CXADR: variants seen among roughly 807,000 people sequenced by gnomAD.
CXADR encodes coxsackievirus and adenovirus receptor.
CXADR carries 20 observed loss-of-function variants against 40.3 expected under a neutral mutation model. The ratio of observed to expected loss-of-function variants is 0.50; its 90% CI spans 0.35 to 0.72. The LOEUF is 0.72. Among genes scored for constraint, CXADR ranks in the 30% least tolerant of loss-of-function variants. The pLI, the probability that CXADR is intolerant of heterozygous loss-of-function variation, is 0.01. For missense variants in CXADR, 332 were observed against 449.1 expected, an observed-to-expected ratio of 0.74 and a Z score of 2.36; for synonymous variants, 150 against 161.3, an observed-to-expected ratio of 0.93 and a Z score of 0.53.
chr21:17,596,346 G>C (rs190531489), downstream of CXADR, among the ~76,000 whole-genome samples: 746 of 152,006 alleles, frequency 4.9e-3, 8 homozygotes, highest in African/African-American at 0.017. Context: ...TGACCCTCTA[G>C]AGGAAATATT....
At chr21:17,617,811 A>T in the CXADR span, among the ~76,000 whole-genome samples, 1 of 151,906 alleles carries the variant, frequency 6.6e-6, no homozygotes, top group African/African-American at 2.4e-5. Context: ...TGTGGCAATT[A>T]AAAAAAATAA....
At chr21:17,531,103 G>A (rs891737108) in intron 1 of CXADR, among the ~76,000 whole-genome samples, 4 of 152,064 alleles carry the variant, frequency 2.6e-5, no homozygotes, top group African/African-American at 9.7e-5. Flanking sequence ...TTCAAGACCA[G>A]ACTGGCCAGC....
At chr21:17,519,057 C>T in intron 1 of CXADR, 2 of 1,120,152 alleles carry the variant, frequency 1.8e-6, no homozygotes, top group Non-Finnish European at 2.7e-6. Context: ...AGCAAGATGG[C>T]TGCCCGATAT....
intron 7 of CXADR, among the ~76,000 whole-genome samples, chr21:17,592,628 A>T (rs1359881385): frequency 6.6e-6 from 1 of 151,262 alleles, no homozygotes; most frequent in Admixed American, 6.6e-5. Context: ...TCTGAAAGTA[A>T]TTTTTTTTTC....
intron 7 of CXADR, among the ~76,000 whole-genome samples, chr21:17,575,514 G>A (rs2737879): frequency 0.49 from 72,584 of 147,778 alleles, 20,638 homozygotes; most frequent in Non-Finnish European, 0.63. Context: ...TTTTTGAGGC[G>A]GAGTCTCGCT....
At chr21:17,594,177 T>C (rs780743671), downstream of CXADR, 8 of 1,613,316 alleles carry the variant, frequency 5.0e-6, no homozygotes, top group Non-Finnish European at 6.8e-6. Context: ...TCACTGGAAT[T>C]GGGCGATATG....
intron 7 of CXADR, among the ~76,000 whole-genome samples, chr21:17,583,472 GGTT>G (rs2061374770): frequency 6.6e-6 from 1 of 152,134 alleles, no homozygotes; most frequent in Non-Finnish European, 1.5e-5. Context: ...AACTTGGGGT[GGTT>G]GTTTTTCAGA....
chr21:17,624,983 C>A, the CXADR span, among the ~76,000 whole-genome samples: 2 of 152,124 alleles, frequency 1.3e-5, no homozygotes, highest in Non-Finnish European at 2.9e-5. Context: ...CTTTCTCTAA[C>A]CACTATCTGA....
At chr21:17,596,799 T>C (rs753943707), downstream of CXADR, among the ~76,000 whole-genome samples, 1 of 152,260 alleles carries the variant, frequency 6.6e-6, no homozygotes. Context: ...TCATTGATAC[T>C]GAATTGGATC....
intron 1 of CXADR, among the ~76,000 whole-genome samples, chr21:17,533,975 C>G (rs995716262): frequency 8.0e-5 from 11 of 137,498 alleles, no homozygotes; most frequent in African/African-American, 2.9e-4. Context: ...AGCATAATTT[C>G]TACTTCCCTG....
the CXADR span, among the ~76,000 whole-genome samples, chr21:17,628,276 G>T: frequency 1.3e-5 from 2 of 152,132 alleles, no homozygotes; most frequent in Non-Finnish European, 2.9e-5. Context: ...TTATTTTAAG[G>T]AATTGGCTCA....
At position 17,567,571 on chromosome 21, in the gene CXADR, G is replaced by C. The variant is rs2061226682; in HGVS notation, c.*1879G>C. 5.1e-6 allele frequency: 5 copies of C among 985,018 alleles called. No homozygotes were observed. The highest frequency in any genetic ancestry group is 6.0e-6 in the Non-Finnish European group (5 of 829,658). The allele number at this position is 985,018 out of a possible 1,614,324, so 61.0% of individuals were successfully genotyped here. ...CAAGCTTGCCTCTTTTCTGTTCTTT[G>C]TGGATATAACTTAAGCAATTGTGTT... On this transcript the variant is annotated 3_prime_UTR_variant, in exon 7 of 7. Coordinates refer to ENST00000284878, the MANE Select transcript of CXADR (RefSeq NM_001338.5).
At chr21:17,554,941 T>TA (rs1181271852) in intron 3 of CXADR, among the ~76,000 whole-genome samples, 1 of 152,146 alleles carries the variant, frequency 6.6e-6, no homozygotes, top group Non-Finnish European at 1.5e-5. Context: ...ATGTGGCCGT[T>TA]AACCCACAGA....
intron 3 of CXADR, among the ~76,000 whole-genome samples, chr21:17,557,753 AAG>A (rs1283997374): frequency 1.4e-4 from 3 of 21,100 alleles, no homozygotes; most frequent in African/African-American, 3.1e-4. Flanking sequence ...GTTCCAGAAG[AAG>A]AGCTAATCTA....
chr21:17,606,183 G>A, the CXADR span, among the ~76,000 whole-genome samples: 2 of 152,072 alleles, frequency 1.3e-5, no homozygotes, highest in African/African-American at 4.8e-5. Flanking sequence ...TAATTCTCAT[G>A]ATCATCCTGT....
chr21:17,532,149 TCTCAAACTCC>T, intron 1 of CXADR, among the ~76,000 whole-genome samples: 1 of 152,070 alleles, frequency 6.6e-6, no homozygotes, highest in African/African-American at 2.4e-5. Flanking sequence ...CCCAGGTTGG[TCTCAAACTCC>T]TGGGCCTAAG....
intron 1 of CXADR, among the ~76,000 whole-genome samples, chr21:17,539,009 T>G (rs1211248919): frequency 6.6e-6 from 1 of 152,092 alleles, no homozygotes; most frequent in South Asian, 2.1e-4. Flanking sequence ...GGACATAGTA[T>G]GCTTTGAATG....
At chr21:17,618,469 C>T in the CXADR span, among the ~76,000 whole-genome samples, 1 of 152,144 alleles carries the variant, frequency 6.6e-6, no homozygotes, top group African/African-American at 2.4e-5. Context: ...CAATTTACTT[C>T]GCTCAGAGCC....
the CXADR span, among the ~76,000 whole-genome samples, chr21:17,600,648 C>T: frequency 4.6e-5 from 7 of 151,860 alleles, 1 homozygote; most frequent in Admixed American, 3.3e-4. Flanking sequence ...TGGTGAGACC[C>T]TGTCTCTCAA....
Sources: allele counts gnomAD v4.1 joint callset (sites outside exome capture counted in the v4.1 genomes callset), GRCh38; gene constraint gnomAD v4.1.1; transcripts MANE v1.5; gene names NCBI Gene and HGNC (gene_info 2026-07-23, HGNC 2026-07-21).